Variants in UCN3 observed in about 807,000 individuals in gnomAD.
UCN3 encodes urocortin 3.
A neutral mutation model predicts 3.6 loss-of-function variants in UCN3; 3 were observed. The ratio of observed to expected loss-of-function variants is 0.83; its 90% confidence interval spans 0.38 to 2.15. The LOEUF is 2.15. Ranked by LOEUF, UCN3 falls within the 30% of genes most tolerant of loss-of-function variation. The pLI, the probability that UCN3 is intolerant of heterozygous loss-of-function variation, is 0.06. For missense variants in UCN3, 206 were observed against 208.3 expected (o/e 0.99, Z 0.07); for synonymous variants, 100 against 93.2 (o/e 1.07, Z -0.42).
At chr10:5,371,569 T>C (rs1312600613) in intron 1 of UCN3, among the ~76,000 whole-genome samples, 6 of 152,094 alleles carry the variant, frequency 3.9e-5, no homozygotes, top group African/African-American at 1.4e-4. Flanking sequence ...CCTAAGGCTG[T>C]CTGGTTGGGC....
chr10:5,368,657 C>T (rs1831288436), intron 1 of UCN3, among the ~76,000 whole-genome samples: 1 of 151,968 alleles, frequency 6.6e-6, no homozygotes, highest in Admixed American at 6.6e-5. Context: ...TTTTTTAAAC[C>T]CTTTCAGGGT....
intron 1 of UCN3, among the ~76,000 whole-genome samples, chr10:5,370,043 A>G (rs111207944): frequency 5.0e-4 from 20 of 40,172 alleles, no homozygotes; most frequent in South Asian, 1.2e-3. Flanking sequence ...GCGTGTGTAT[A>G]TGCGTGTGTA....
Position 5,373,566 on chromosome 10 carries a change from A to T in UCN3, c.-6-149A>T, listed in dbSNP as rs115397988. On this transcript the variant is annotated intron_variant, in intron 1 of 1. Coordinates refer to ENST00000380433, the MANE Select transcript of UCN3 (RefSeq NM_053049.4). ...TTATTTGCATTTCTAACAAAGTCCCAGCCCGGGCTGATGCTGCTGGTCTGG... is the reference window on the plus strand; with the variant it reads ...TTATTTGCATTTCTAACAAAGTCCCTGCCCGGGCTGATGCTGCTGGTCTGG... The T allele has an allele frequency of 1.1e-3, 1,446 of 1,313,160 alleles. 17 individuals are homozygous for T. The African/African-American group carries it at 0.017, about 16-fold the overall frequency. 81.3% of individuals were successfully genotyped at this position (1,313,160 alleles called of 1,614,324 possible).
rs555990710 is a variant in UCN3, at chr10:5,370,092, T to C, written c.-6-3623T>C. On this transcript the variant is annotated intron_variant, in intron 1 of 1. Coordinates refer to ENST00000380433, the MANE Select transcript of UCN3 (RefSeq NM_053049.4). ...GTGTGTATATGCGTGTGTATATGCG[T>C]GTGTATATGCGTGTGTATATGTGTG... 1.5e-4 allele frequency among the ~76,000 whole-genome samples: 17 copies of C among 114,766 alleles called. 2 individuals carry two copies. Among genetic ancestry groups the C allele is most frequent in the Non-Finnish European group, 2.7e-4 (15 of 56,462 alleles). 75.3% of individuals were successfully genotyped at this position (114,766 alleles called of 152,430 possible). A position where few individuals can be genotyped will look rare whatever the true frequency, so the allele number is the denominator to read the frequency against.
chr10:5,372,879 TA>T (rs1426456206), intron 1 of UCN3, among the ~76,000 whole-genome samples: 1 of 152,006 alleles, frequency 6.6e-6, no homozygotes, highest in Non-Finnish European at 1.5e-5. Flanking sequence ...TTTTTTTAAA[TA>T]AAAGAATGGA....
rs797024440 is a variant in UCN3 at position 5,370,351 on chromosome 10, ATG to A, written c.-6-3356_-6-3355del. Among the ~76,000 whole-genome samples the A allele has an allele frequency of 2.8e-3, 85 of 30,580 alleles. 5 individuals carry two copies. The highest frequency in any genetic ancestry group is 3.6e-3 in the East Asian group (3 of 826). The allele number at this position is 30,580 out of a possible 152,430, so 20.1% of individuals were successfully genotyped here. On this transcript the variant is annotated intron_variant, in intron 1 of 1. Coordinates refer to ENST00000380433, the MANE Select transcript of UCN3 (RefSeq NM_053049.4). ...TATGCGTGTGTATATGCGTGTGTAT[ATG>A]TGTGTGTATATGCGTGTGTATATGC...
Position 5,367,784 on chromosome 10 carries a change from T to A in UCN3, c.-7+2554T>A, listed in dbSNP as rs1834130179. Among the ~76,000 whole-genome samples, 1 of 152,226 alleles carries A rather than the reference T, an allele frequency of 6.6e-6. No homozygotes were observed. The highest frequency in any genetic ancestry group is 2.4e-5 in the African/African-American group (1 of 41,458). ...TTCTCAGTAATATTTGCAATTATTC[T>A]GCAAAGTTCTAAGTGCTTGAGGGTA... On this transcript the variant is annotated intron_variant, in intron 1 of 1. Coordinates refer to ENST00000380433, the MANE Select transcript of UCN3 (RefSeq NM_053049.4). The surrounding 1 kb of genome is among the most constrained non-coding windows in gnomAD (Gnocchi z 4.3).
rs1834118192 is a variant in UCN3, at chr10:5,366,432, G to T, written c.-7+1202G>T. 2.0e-5 allele frequency among the ~76,000 whole-genome samples: 3 copies of T among 152,190 alleles called. No homozygotes were observed. The highest frequency in any genetic ancestry group is 2.0e-4 in the Admixed American group (3 of 15,272). ...CAGAGAAATCTTAAACTTTTGTGCT[G>T]TTTCACCAAGAATATGGCAGAAGAG... On this transcript the variant is annotated intron_variant, in intron 1 of 1. Transcript: ENST00000380433. This position sits in a 1 kb window ranked among gnomAD's most constrained non-coding sequence, Gnocchi z 4.2.
rs1470946973 is a variant in UCN3 at position 5,370,320 on chromosome 10, TGTGTATATGCGTGTGTATATGC to T, written c.-6-3390_-6-3369del. ...ATGCGTGTGTATATGCGTGTATGTG[TGTGTATATGCGTGTGTATATGC>T]GTGTGTATATGTGTGTGTATATGCG... On this transcript the variant is annotated intron_variant, in intron 1 of 1. Transcript: ENST00000380433. 3.2e-5 allele frequency among the ~76,000 whole-genome samples: 3 copies of T among 94,594 alleles called. 1 individual carries two copies. Among genetic ancestry groups the T allele is most frequent in the African/African-American group, 1.5e-4 (3 of 19,658 alleles). The allele number at this position is 94,594 out of a possible 152,430, so 62.1% of individuals were successfully genotyped here. A position where few individuals can be genotyped will look rare whatever the true frequency, so the allele number is the denominator to read the frequency against.
chr10:5,370,773 A>ATATGCGTGTGTG (rs1831394531), intron 1 of UCN3, among the ~76,000 whole-genome samples: 1 of 110,274 alleles, frequency 9.1e-6, no homozygotes, highest in East Asian at 3.4e-4. Flanking sequence ...ATGCGTGTGT[A>ATATGCGTGTGTG]TATGCGTGTG....
intron 1 of UCN3, among the ~76,000 whole-genome samples, chr10:5,370,687 A>ATGATG (rs1564443381): frequency 2.5e-5 from 1 of 40,340 alleles, no homozygotes; most frequent in African/African-American, 8.8e-5. Context: ...GTGTGTGTGT[A>ATGATG]TGTGTGTATA....
chr10:5,369,513 C>T (rs1042565227), intron 1 of UCN3, among the ~76,000 whole-genome samples: 8 of 152,306 alleles, frequency 5.3e-5, no homozygotes, highest in Non-Finnish European at 1.0e-4. Context: ...GGCCCAAACC[C>T]TCAGGCAAAT....
chr10:5,370,437 GCGTGTGTATGTGTGTGTGTATA>G (rs1554811227), intron 1 of UCN3, among the ~76,000 whole-genome samples: 2 of 110,878 alleles, frequency 1.8e-5, no homozygotes, highest in Admixed American at 1.0e-4. Context: ...GTGTGTATAT[GCGTGTGTATGTGTGTGTGTATA>G]TGTGTGTATA....
rs1379294687 is a variant in UCN3, at chr10:5,374,273, G to T, written c.*67G>T. 2.3e-5 allele frequency: 13 copies of T among 568,212 alleles called. No individual in the cohort carries two copies. Among genetic ancestry groups the T allele is most frequent in the East Asian group, 2.0e-4 (6 of 29,904 alleles). 35.2% of individuals were successfully genotyped at this position (568,212 alleles called of 1,614,324 possible). ...AGGGGAGGGGGAGGGGAGGGCGAGG[G>T]GGGGAGGGGAGGGGGAGGGTGCTGT... On this transcript the variant is annotated 3_prime_UTR_variant, in exon 2 of 2. Transcript: ENST00000380433.
chr10:5,371,534 C>T (rs1466387444), intron 1 of UCN3, among the ~76,000 whole-genome samples: 5 of 152,106 alleles, frequency 3.3e-5, no homozygotes, highest in South Asian at 2.1e-4. Context: ...TAAGGGTCAG[C>T]GCTGGTTCTG....
At position 5,373,947 on chromosome 10, in the gene UCN3, A is replaced by G; in HGVS notation, c.227A>G (p.Lys76Arg). The change falls in exon 2 of 2, where the codon AAA (lysine) becomes AGA (arginine). Residue 76 changes from lysine (K) to arginine (R), a missense_variant. Lys to Arg is a conservative substitution (Grantham distance 26). Transcript: ENST00000380433. ...DASSGEEEEG[K>R]EKKTFPISGA... Reference sequence around the variant, plus strand: ...TCTTCGGGAGAGGAGGAGGAGGGCAAAGAGAAAAAGACTTTCCCCATCTCT... The same window carrying G: ...TCTTCGGGAGAGGAGGAGGAGGGCAGAGAGAAAAAGACTTTCCCCATCTCT... 1 of 1,611,632 alleles carries G rather than the reference A, an allele frequency of 6.2e-7. No individual in the cohort carries two copies. The highest frequency in any genetic ancestry group is 8.5e-7 in the Non-Finnish European group (1 of 1,178,906).
chr10:5,373,952 A>G lies in UCN3; in HGVS notation c.232A>G (p.Lys78Glu). The part of the protein sequence containing the change: ...SSGEEEEGKE[K>E]KTFPISGARG... ...GGGAGAGGAGGAGGAGGGCAAAGAG[A>G]AAAAGACTTTCCCCATCTCTGGGGC... The change falls in exon 2 of 2, where the codon AAA (lysine) becomes GAA (glutamate). Residue 78 changes from lysine to glutamate, a missense_variant. Coordinates refer to ENST00000380433, the MANE Select transcript of UCN3 (RefSeq NM_053049.4). 6.2e-7 allele frequency: 1 copy of G among 1,611,616 alleles called. No individual in the cohort carries two copies. Among genetic ancestry groups the G allele is most frequent in the South Asian group, 1.1e-5 (1 of 90,690 alleles).
Position 5,374,241 on chromosome 10 carries a change from G to A in UCN3, c.*35G>A, listed in dbSNP as rs782089555. ...CTGGACGGGAGGGCAGCGGGGTGGG[G>A]AGGGGGAGGGGAGGGGGAGGGGAGG... On this transcript the variant is annotated 3_prime_UTR_variant, in exon 2 of 2. Coordinates refer to ENST00000380433, the MANE Select transcript of UCN3 (RefSeq NM_053049.4). The A allele has an allele frequency of 7.1e-6, 4 of 559,870 alleles. No individual in the cohort carries two copies. In the African/African-American group the frequency reaches 7.9e-5, roughly 11 times the overall value. The allele number at this position is 559,870 out of a possible 1,614,324, so 34.7% of individuals were successfully genotyped here. A position where few individuals can be genotyped will look rare whatever the true frequency, so the allele number is the denominator to read the frequency against.
At chr10:5,372,284 C>T (rs1314930596) in intron 1 of UCN3, among the ~76,000 whole-genome samples, 1 of 152,166 alleles carries the variant, frequency 6.6e-6, no homozygotes, top group East Asian at 1.9e-4. Flanking sequence ...TCCTCAGGGA[C>T]AGTGGCCATG....
Sources: gnomAD v4.1 joint callset for allele counts (sites outside exome capture counted in the v4.1 genomes callset) on GRCh38, gnomAD v4.1.1 for gene constraint, Gnocchi (gnomAD v3.1) non-coding constraint, MANE v1.5 for transcripts, NCBI Gene and HGNC (gene_info 2026-07-23, HGNC 2026-07-21) for gene names.